Variants in TRMT11 observed in about 807,000 individuals in gnomAD.
The protein encoded by TRMT11 is tRNA methyltransferase 11.
In TRMT11, 53 loss-of-function variants were observed where a neutral mutation model predicts 62.8. The observed-to-expected ratio is 0.84, with a 90% CI of 0.68 to 1.06. The LOEUF (loss-of-function observed/expected upper bound fraction) is 1.06. TRMT11 is among the 50% of genes least tolerant of loss of function. TRMT11 has a pLI of 0.00. For synonymous variants in TRMT11, 188 were observed against 190.3 expected (o/e 0.99, Z 0.10); for missense variants, 556 against 553.4 (o/e 1.00, Z -0.05).
chr6:126,117,687 A>G (rs541929018), intron 21 of TRMT11, among the ~76,000 whole-genome samples: 2 of 152,228 alleles, frequency 1.3e-5, no homozygotes, highest in Non-Finnish European at 2.9e-5. Flanking sequence ...ATGAATGACC[A>G]ACTGTAACCC....
the TRMT11 span, among the ~76,000 whole-genome samples, chr6:126,244,198 G>A: frequency 1.8e-4 from 27 of 151,052 alleles, no homozygotes; most frequent in Admixed American, 1.5e-3. Context: ...CCCCATCAGT[G>A]TATGGGAGAA....
the TRMT11 span, among the ~76,000 whole-genome samples, chr6:126,262,755 T>A: frequency 6.6e-6 from 1 of 152,182 alleles, no homozygotes; most frequent in Non-Finnish European, 1.5e-5. Flanking sequence ...ATTTTCCCTG[T>A]AAGAAGCTAC....
At chr6:126,174,442 A>C (rs1323132596), upstream of TRMT11, among the ~76,000 whole-genome samples, 1 of 152,138 alleles carries the variant, frequency 6.6e-6, no homozygotes, top group Non-Finnish European at 1.5e-5. Flanking sequence ...AAATATGGAA[A>C]TTTCCTTATG....
At chr6:126,110,068 A>T (rs922682517) in intron 17 of TRMT11, among the ~76,000 whole-genome samples, 2 of 152,182 alleles carry the variant, frequency 1.3e-5, no homozygotes, top group Non-Finnish European at 2.9e-5. Context: ...AGCAGGGCAC[A>T]GTGTGTGGAC....
At chr6:126,211,762 G>A in the TRMT11 span, among the ~76,000 whole-genome samples, 1,689 of 152,024 alleles carry the variant, frequency 0.011, 32 homozygotes, top group African/African-American at 0.039. Context: ...CACTTCAAGC[G>A]TTTATCCTTT....
At chr6:126,123,983 T>A (rs779559574) in intron 21 of TRMT11, among the ~76,000 whole-genome samples, 3 of 152,004 alleles carry the variant, frequency 2.0e-5, no homozygotes, top group Non-Finnish European at 4.4e-5. Context: ...AAGAGATGAT[T>A]TACTTAGTTT....
chr6:126,247,209 G>A, the TRMT11 span, among the ~76,000 whole-genome samples: 1 of 152,142 alleles, frequency 6.6e-6, no homozygotes, highest in Non-Finnish European at 1.5e-5. Flanking sequence ...AGCCTTGTGG[G>A]GAATAGGACT....
intron 17 of TRMT11, among the ~76,000 whole-genome samples, chr6:126,090,053 G>C (rs1048821748): frequency 6.6e-6 from 1 of 152,152 alleles, no homozygotes. Context: ...GGCCATGTCT[G>C]TGTGTCAAAT....
At chr6:126,091,629 G>A (rs781252491) in intron 17 of TRMT11, among the ~76,000 whole-genome samples, 2 of 151,986 alleles carry the variant, frequency 1.3e-5, no homozygotes, top group Non-Finnish European at 2.9e-5. Flanking sequence ...GGGTGCACTC[G>A]GTCACACCCT....
intron 17 of TRMT11, among the ~76,000 whole-genome samples, chr6:126,080,852 G>T (rs1777146398): frequency 6.6e-6 from 1 of 152,096 alleles, no homozygotes; most frequent in East Asian, 1.9e-4. Context: ...ATGTATAATG[G>T]GAATAGACAT....
chr6:126,021,366 A>G, intron 12 of TRMT11, 86 bp downstream of exon 12: 2 of 1,468,944 alleles, frequency 1.4e-6, no homozygotes, highest in Non-Finnish European at 1.9e-6. Flanking sequence ...TAGAGTTTGG[A>G]AATGTTATTC....
rs549640894 is a variant in TRMT11, at chr6:125,994,912, A to T, written c.139-1055A>T. ...CAAACACCACGTGTTCTCACTTATA[A>T]GTGGGAGCTGAATAATAAGAACATA... On this transcript the variant is annotated intron_variant, in intron 2 of 12. Coordinates refer to ENST00000334379, the MANE Select transcript of TRMT11 (RefSeq NM_001031712.3). 1.4e-4 allele frequency among the ~76,000 whole-genome samples: 22 copies of T among 152,344 alleles called. No homozygotes were observed. In the South Asian group the frequency reaches 4.1e-3, roughly 29 times the overall value.
intron 21 of TRMT11, among the ~76,000 whole-genome samples, chr6:126,161,354 A>G (rs746932715): frequency 6.6e-6 from 1 of 152,044 alleles, no homozygotes; most frequent in Non-Finnish European, 1.5e-5. Flanking sequence ...TTCCTATGAT[A>G]GTTTTCTGAG....
chr6:126,055,750 A>G (rs563998307), intron 17 of TRMT11, among the ~76,000 whole-genome samples: 2 of 152,332 alleles, frequency 1.3e-5, no homozygotes, highest in African/African-American at 2.4e-5. Context: ...TTCCTCCCAT[A>G]AAGTTCTACA....
intron 17 of TRMT11, among the ~76,000 whole-genome samples, chr6:126,064,744 G>A (rs898877681): frequency 1.3e-5 from 2 of 152,296 alleles, no homozygotes; most frequent in Middle Eastern, 6.8e-3. Flanking sequence ...TGAAAAGGAA[G>A]GAGACAGCTC....
At chr6:126,129,368 AC>A (rs1193356700) in intron 21 of TRMT11, among the ~76,000 whole-genome samples, 1 of 152,074 alleles carries the variant, frequency 6.6e-6, no homozygotes, top group Non-Finnish European at 1.5e-5. Flanking sequence ...GATGTGGAAT[AC>A]TCACTAATGT....
intron 17 of TRMT11, among the ~76,000 whole-genome samples, chr6:126,108,975 A>G (rs1777496414): frequency 6.6e-6 from 1 of 152,176 alleles, no homozygotes. Flanking sequence ...TTACGAGTAC[A>G]GGGAACTTCC....
chr6:126,023,734 T>C (rs1796165975), intron 12 of TRMT11, among the ~76,000 whole-genome samples: 1 of 152,224 alleles, frequency 6.6e-6, no homozygotes. Flanking sequence ...GGTGAGTCGC[T>C]TGATCTCTAC....
chr6:126,257,877 G>A, the TRMT11 span: 2 of 1,344,406 alleles, frequency 1.5e-6, no homozygotes, highest in Admixed American at 1.7e-5. Context: ...AGGTCGGGGG[G>A]ACAGTGATTG....
Sources: allele counts gnomAD v4.1 joint callset (sites outside exome capture counted in the v4.1 genomes callset), GRCh38; gene constraint gnomAD v4.1.1; transcripts MANE v1.5; gene names NCBI Gene and HGNC (gene_info 2026-07-23, HGNC 2026-07-21).